Variants in ATG13 observed in about 807,000 individuals in gnomAD.
ATG13 encodes autophagy related 13.
ATG13 carries 23 observed loss-of-function variants against 65.5 expected under a neutral mutation model. The ratio of observed to expected loss-of-function variants is 0.35; its 90% CI spans 0.25 to 0.50. The LOEUF is 0.50. ATG13 is among the 20% of genes least tolerant of loss of function. The pLI is 0.98. For synonymous variants in ATG13, 252 were observed against 245.2 expected, an observed-to-expected ratio of 1.03 and a Z score of -0.26; for missense variants, 566 against 677.0, an observed-to-expected ratio of 0.84 and a Z score of 1.82.
At chr11:46,663,055 GGAGA>G in intron 11 of ATG13, among the ~76,000 whole-genome samples, 1 of 152,192 alleles carries the variant, frequency 6.6e-6, no homozygotes, top group African/African-American at 2.4e-5. Context: ...CACGAGGTCA[GGAGA>G]TCGAGACCAT....
chr11:46,656,166 G>C, intron 7 of ATG13, 67 bp from the exon 8 acceptor site: 1 of 1,415,116 alleles, frequency 7.1e-7, no homozygotes, highest in Non-Finnish European at 9.9e-7. Flanking sequence ...GTTTCTACGT[G>C]TTTTGGCTAT....
chr11:46,638,041 G>A lies in ATG13; in HGVS notation c.-13-6238G>A, dbSNP rs183521296. Among the ~76,000 whole-genome samples the A allele has an allele frequency of 5.9e-5, 9 of 152,218 alleles. No individual in the cohort carries two copies. In the South Asian group the frequency reaches 1.5e-3, roughly 25 times the overall value. On this transcript the variant is annotated intron_variant, in intron 2 of 18. Transcript: ENST00000683050. ...ATAATTATACATATTTATGGGGTTC[G>A]TGTTTTGATGCATGTCTAAATTGTG...
chr11:46,642,648 G>C (rs2136222441), intron 2 of ATG13, among the ~76,000 whole-genome samples: 1 of 152,288 alleles, frequency 6.6e-6, no homozygotes, highest in Non-Finnish European at 1.5e-5. Context: ...GCCTATGCTA[G>C]ATCATGCCTT....
chr11:46,633,850 A>G (rs546414811), intron 2 of ATG13, among the ~76,000 whole-genome samples: 1 of 152,142 alleles, frequency 6.6e-6, no homozygotes, highest in Non-Finnish European at 1.5e-5. Flanking sequence ...AGTCTCTTTT[A>G]ACTTGTGTTG....
chr11:46,649,355 A>G (rs1022907094), intron 6 of ATG13, among the ~76,000 whole-genome samples, 172 bp downstream of exon 6: 3 of 152,244 alleles, frequency 2.0e-5, no homozygotes, highest in African/African-American at 4.8e-5. Flanking sequence ...GCCTGGACAC[A>G]GAGATGACCT....
chr11:46,647,280 GTTTTTTTTTTTT>G (rs2057838743), intron 5 of ATG13, among the ~76,000 whole-genome samples: 6 of 55,912 alleles, frequency 1.1e-4, no homozygotes, highest in Non-Finnish European at 2.7e-4. Flanking sequence ...TGTTTTTTTT[GTTTTTTTTTTTT>G]GTTTTTTTTT....
At chr11:46,668,067 A>T (rs1396246888) in intron 15 of ATG13, among the ~76,000 whole-genome samples, 180 bp downstream of exon 15, 2 of 152,246 alleles carry the variant, frequency 1.3e-5, no homozygotes, top group Non-Finnish European at 2.9e-5. Context: ...CCCCTCCAGA[A>T]TAAGTTAAGA....
intron 16 of ATG13, 55 bp from the exon 17 acceptor site, chr11:46,668,739 G>A (rs2062997777): frequency 2.6e-6 from 4 of 1,525,522 alleles, no homozygotes; most frequent in Non-Finnish European, 2.7e-6. Context: ...ATTGTTTACA[G>A]TAACTTGAAT....
chr11:46,647,796 G>A (rs775048730), intron 5 of ATG13, among the ~76,000 whole-genome samples: 14 of 151,922 alleles, frequency 9.2e-5, no homozygotes, highest in African/African-American at 1.7e-4. Flanking sequence ...TGCCCAGGCT[G>A]GAGTGCAGTT....
chr11:46,653,677 C>T (rs2059391646), intron 7 of ATG13, among the ~76,000 whole-genome samples: 1 of 151,692 alleles, frequency 6.6e-6, no homozygotes, highest in Admixed American at 6.6e-5. Flanking sequence ...TCACGCCATT[C>T]TCCTGCCTCA....
rs2134428441 is a variant in ATG13 at position 46,674,099 on chromosome 11, G to A, written c.*1767G>A. The A allele has an allele frequency of 6.6e-6, 1 of 152,392 alleles. No individual in the cohort carries two copies. Among genetic ancestry groups the A allele is most frequent in the East Asian group, 1.9e-4 (1 of 5,180 alleles). The allele number at this position is 152,392 out of a possible 1,614,324, so 9.4% of individuals were successfully genotyped here. ...TCCCCAAGGCCCCAGCTTTGAGAAG[G>A]GGGAAGGCCCCTGGTAAGTTATTGA... On this transcript the variant is annotated 3_prime_UTR_variant, in exon 19 of 19. Transcript: ENST00000683050.
intron 2 of ATG13, among the ~76,000 whole-genome samples, chr11:46,633,507 C>G (rs1360380792): frequency 1.3e-5 from 2 of 151,708 alleles, no homozygotes; most frequent in African/African-American, 4.8e-5. Flanking sequence ...GCCACCACGC[C>G]CAGCTAATTT....
Position 46,667,975 on chromosome 11 carries a change from T to C in ATG13, c.1251+88T>C, listed in dbSNP as rs2134229962. ...CAGTTTTCTTAACCTGAGATATTAA[T>C]ATATATGAAACTACTGAACTGGCAT... On this transcript the variant is annotated intron_variant, in intron 15 of 18. Transcript: ENST00000683050. 4.8e-6 allele frequency: 5 copies of C among 1,042,654 alleles called. No individual in the cohort carries two copies. In the South Asian group the frequency reaches 5.7e-5, roughly 12 times the overall value. The allele number at this position is 1,042,654 out of a possible 1,614,324, so 64.6% of individuals were successfully genotyped here.
At chr11:46,625,221 A>G (rs1324457244) in intron 1 of ATG13, 1 of 149,018 alleles carries the variant, frequency 6.7e-6, no homozygotes, top group Non-Finnish European at 1.5e-5. Flanking sequence ...AAAAAAAGGC[A>G]TACAGATTTT....
At chr11:46,619,489 A>T (rs984410641) in intron 1 of ATG13, among the ~76,000 whole-genome samples, 1 of 145,306 alleles carries the variant, frequency 6.9e-6, no homozygotes. Flanking sequence ...GGTTCAAGCG[A>T]TTCTCCTGCC....
At chr11:46,655,589 A>G (rs2059885979) in intron 7 of ATG13, among the ~76,000 whole-genome samples, 1 of 152,174 alleles carries the variant, frequency 6.6e-6, no homozygotes, top group Admixed American at 6.5e-5. Flanking sequence ...AAACAAAACA[A>G]AACAAAACCA....
At chr11:46,666,933 A>G (rs1395107252) in intron 14 of ATG13, among the ~76,000 whole-genome samples, 1 of 151,768 alleles carries the variant, frequency 6.6e-6, no homozygotes, top group Non-Finnish European at 1.5e-5. Context: ...TGTGTGTGCC[A>G]TCCATCAGGA....
chr11:46,657,938 A>G (rs2060362028), intron 10 of ATG13, among the ~76,000 whole-genome samples: 1 of 152,188 alleles, frequency 6.6e-6, no homozygotes, highest in South Asian at 2.1e-4. Flanking sequence ...GCATGCCAGC[A>G]CATGCCTATA....
rs377098728 is a variant in ATG13 at position 46,639,089 on chromosome 11, G to A, written c.-13-5190G>A. Among the ~76,000 whole-genome samples, 122 of 152,254 alleles carry A rather than the reference G, an allele frequency of 8.0e-4. 2 individuals are homozygous for A. The South Asian group carries it at 0.025, about 31-fold the overall frequency. On this transcript the variant is annotated intron_variant, in intron 2 of 18. Transcript: ENST00000683050. ...TGCAACCTCTGCCTCCCGGGTTCAA[G>A]TGATTCTCCTGCCTCGGCCTCCCAA... is the stretch of plus-strand genomic sequence containing the variant.
Sources: allele counts gnomAD v4.1 joint callset (sites outside exome capture counted in the v4.1 genomes callset), GRCh38; gene constraint gnomAD v4.1.1; transcripts MANE v1.5; gene names NCBI Gene and HGNC (gene_info 2026-07-23, HGNC 2026-07-21).